The following MBNL1 variants were observed in gnomAD, a reference collection of about 807,000 sequenced individuals.
MBNL1 encodes the protein muscleblind like splicing regulator 1, also known as muscleblind-like protein 1.
MBNL1 carries 8 observed loss-of-function variants against 42.2 expected under a neutral mutation model. The ratio of observed to expected loss-of-function variants is 0.19; its 90% CI spans 0.11 to 0.34. MBNL1 has a LOEUF of 0.34. Among genes scored for constraint, MBNL1 ranks in the 10% least tolerant of loss-of-function variants. The pLI is 1.00. For synonymous variants in MBNL1, 169 were observed against 173.9 expected (o/e 0.97, Z 0.22); for missense variants, 309 against 495.3 (o/e 0.62, Z 3.57).
intron 3 of MBNL1, among the ~76,000 whole-genome samples, chr3:152,432,093 A>T (rs2099014823): frequency 6.6e-6 from 1 of 152,202 alleles, no homozygotes; most frequent in Non-Finnish European, 1.5e-5. Context: ...CTAGTGGAAC[A>T]CTTATAATTT....
intron 3 of MBNL1, among the ~76,000 whole-genome samples, chr3:152,421,118 G>A (rs1482202138): frequency 6.6e-6 from 1 of 152,258 alleles, no homozygotes; most frequent in African/African-American, 2.4e-5. Flanking sequence ...ATGGGACTGT[G>A]TGTAAAGACC....
rs888037488 is a variant in MBNL1 at position 152,338,160 on chromosome 3, G to A, written c.174+37793G>A. On this transcript the variant is annotated intron_variant, in intron 2 of 9. Transcript: ENST00000324210. ...CACTTCATCCGTGTTTTTGGCTTAT[G>A]TATGGGATGCTAGAATGGCCTATCT... 13 of 985,266 alleles carry A rather than the reference G, an allele frequency of 1.3e-5. No homozygotes were observed. In the Admixed American group the frequency reaches 4.3e-4, roughly 33 times the overall value. The allele number at this position is 985,266 out of a possible 1,614,324, so 61.0% of individuals were successfully genotyped here. A position where few individuals can be genotyped will look rare whatever the true frequency, so the allele number is the denominator to read the frequency against.
rs1206448269 is a variant in MBNL1, at chr3:152,332,733, TGTGTGTGCGCGC to T, written c.174+32368_174+32379del. ...GTGTGTGTGTGTGTGTGTGTGTGTGTGTGTGTGCGCGCGCGCATGCGCACACACTAGTTTATA... is the reference window on the plus strand; with the variant it reads ...GTGTGTGTGTGTGTGTGTGTGTGTGTGCGCATGCGCACACACTAGTTTATA... On this transcript the variant is annotated intron_variant, in intron 2 of 9. Transcript: ENST00000324210. 7.6e-4 allele frequency among the ~76,000 whole-genome samples: 102 copies of T among 133,574 alleles called. 1 individual carries two copies. The highest frequency in any genetic ancestry group is 3.6e-3 in the Middle Eastern group (1 of 280). The allele number at this position is 133,574 out of a possible 152,430, so 87.6% of individuals were successfully genotyped here. A position where few individuals can be genotyped will look rare whatever the true frequency, so the allele number is the denominator to read the frequency against.
chr3:152,361,158 A>G (rs2095908427), intron 2 of MBNL1, among the ~76,000 whole-genome samples: 2 of 152,256 alleles, frequency 1.3e-5, no homozygotes, highest in Middle Eastern at 6.8e-3. Flanking sequence ...TGATTCGTTC[A>G]GTCACCAGTT....
intron 2 of MBNL1, among the ~76,000 whole-genome samples, chr3:152,369,219 AG>A (rs1351955577): frequency 6.6e-6 from 1 of 152,206 alleles, no homozygotes; most frequent in Non-Finnish European, 1.5e-5. Flanking sequence ...TTTAGCATGA[AG>A]GGGTGTTGAA....
intron 2 of MBNL1, among the ~76,000 whole-genome samples, chr3:152,251,420 C>G (rs2034512088): frequency 6.6e-6 from 1 of 152,008 alleles, no homozygotes; most frequent in Non-Finnish European, 1.5e-5. Flanking sequence ...CATTTAAAAT[C>G]TAATCTCTTA....
chr3:152,268,924 G>C, upstream of MBNL1: 1 of 456,186 alleles, frequency 2.2e-6, no homozygotes, highest in Non-Finnish European at 4.4e-6. Flanking sequence ...ACAGCGACAT[G>C]CAACAGTCTT....
chr3:152,386,880 G>T (rs2097453464), intron 2 of MBNL1, among the ~76,000 whole-genome samples: 1 of 151,962 alleles, frequency 6.6e-6, no homozygotes, highest in South Asian at 2.1e-4. Context: ...AGGTTGATTT[G>T]TTAGAAACAT....
chr3:152,257,390 A>G (rs1429503181), intron 2 of MBNL1, among the ~76,000 whole-genome samples: 1 of 152,102 alleles, frequency 6.6e-6, no homozygotes, highest in Non-Finnish European at 1.5e-5. Flanking sequence ...GGGGCTTATG[A>G]TCACCCTTCA....
At chr3:152,395,913 G>A (rs1190771451) in intron 2 of MBNL1, among the ~76,000 whole-genome samples, 1 of 152,160 alleles carries the variant, frequency 6.6e-6, no homozygotes, top group Non-Finnish European at 1.5e-5. Context: ...ATAGAGGAGA[G>A]GTCCCCAACC....
rs554659314 is a variant in MBNL1, at chr3:152,346,064, A to G, written c.174+45697A>G. On this transcript the variant is annotated intron_variant, in intron 2 of 9. Transcript: ENST00000324210. ...GATGGGAATTGACAGTCTTAGGAAA[A>G]AGTACAACTGTAAGTCAGTGGAAGT... Among the ~76,000 whole-genome samples, 28 of 152,200 alleles carry G rather than the reference A, an allele frequency of 1.8e-4. 1 individual carries two copies. In the South Asian group the frequency reaches 5.8e-3, roughly 32 times the overall value.
At chr3:152,297,254 GTTTT>G (rs1023006189) in intron 1 of MBNL1, among the ~76,000 whole-genome samples, 2 of 101,490 alleles carry the variant, frequency 2.0e-5, no homozygotes, top group East Asian at 2.6e-4. Flanking sequence ...CTGGACCTTT[GTTTT>G]TTTTTTTTTT....
intron 1 of MBNL1, among the ~76,000 whole-genome samples, chr3:152,279,722 T>G (rs2047314624): frequency 1.3e-5 from 2 of 152,156 alleles, no homozygotes; most frequent in Non-Finnish European, 2.9e-5. Context: ...AGGAAGCTTG[T>G]GAAGTTTGAA....
At chr3:152,312,859 T>G (rs2067689996) in intron 2 of MBNL1, among the ~76,000 whole-genome samples, 1 of 152,198 alleles carries the variant, frequency 6.6e-6, no homozygotes, top group South Asian at 2.1e-4. Context: ...GGATGAAATT[T>G]GTAATAAAAA....
intron 1 of MBNL1, among the ~76,000 whole-genome samples, chr3:152,286,482 A>G (rs1048748214): frequency 4.5e-5 from 4 of 88,410 alleles, no homozygotes; most frequent in Non-Finnish European, 9.0e-5. Context: ...TATAATATAA[A>G]TATATTTTAT....
At chr3:152,335,187 C>T (rs902159257) in intron 2 of MBNL1, 1 of 1,289,690 alleles carries the variant, frequency 7.8e-7, no homozygotes, top group South Asian at 1.2e-5. Flanking sequence ...GAAGCTGTAT[C>T]TTATCTATGG....
At chr3:152,435,628 G>C (rs1265774982) in intron 4 of MBNL1, among the ~76,000 whole-genome samples, 1 of 152,062 alleles carries the variant, frequency 6.6e-6, no homozygotes, top group Non-Finnish European at 1.5e-5. Flanking sequence ...AGCTTGCTTT[G>C]AGCAGTATGG....
chr3:152,341,987 C>T (rs1386760805), intron 2 of MBNL1, among the ~76,000 whole-genome samples: 1 of 152,146 alleles, frequency 6.6e-6, no homozygotes, highest in African/African-American at 2.4e-5. Context: ...CTTTTACCTT[C>T]AGTCCCATTA....
intron 2 of MBNL1, among the ~76,000 whole-genome samples, chr3:152,312,108 C>A (rs893334172): frequency 6.9e-6 from 1 of 145,810 alleles, no homozygotes; most frequent in Admixed American, 7.1e-5. Flanking sequence ...GGGAGAATGG[C>A]GTGAACCCGG....
Sources: gnomAD v4.1 joint callset for allele counts (sites outside exome capture counted in the v4.1 genomes callset) on GRCh38, gnomAD v4.1.1 for gene constraint, MANE v1.5 for transcripts, NCBI Gene and HGNC (gene_info 2026-07-23, HGNC 2026-07-21) for gene names.